Variants in ABCC11 observed in about 807,000 individuals in gnomAD.
The protein encoded by ABCC11 is ATP binding cassette subfamily C member 11, also known as ATP-binding cassette sub-family C member 11.
A neutral mutation model predicts 149.3 loss-of-function variants in ABCC11; 135 were observed. The ratio of observed to expected loss-of-function variants is 0.90; its 90% CI spans 0.79 to 1.04. The LOEUF (loss-of-function observed/expected upper bound fraction) is 1.04, where lower values mean the gene tolerates loss of function less well. Among genes scored for constraint, ABCC11 ranks in the 50% least tolerant of loss-of-function variants. The probability of loss-of-function intolerance (pLI) is 0.00; values close to 1 mark genes in which losing one functional copy is unlikely to be tolerated. For synonymous variants in ABCC11, 665 were observed against 671.4 expected (o/e 0.99, Z 0.15); for missense variants, 1,680 against 1,722.1 (o/e 0.98, Z 0.43).
At chr16:48,235,347 C>CACAAA (rs1970634905) in intron 1 of ABCC11, among the ~76,000 whole-genome samples, 1 of 152,240 alleles carries the variant, frequency 6.6e-6, no homozygotes, top group Admixed American at 6.5e-5. Context: ...GGGACCTTGT[C>CACAAA]TGTCCTGTTC....
At chr16:48,241,483 A>T (rs1970966587) in intron 1 of ABCC11, among the ~76,000 whole-genome samples, 1 of 152,232 alleles carries the variant, frequency 6.6e-6, no homozygotes, top group South Asian at 2.1e-4. Flanking sequence ...GGTAATTTAT[A>T]GATTCAATGC....
At chr16:48,195,017 C>T (rs1352914906) in intron 18 of ABCC11, among the ~76,000 whole-genome samples, 6 of 152,318 alleles carry the variant, frequency 3.9e-5, no homozygotes, top group Middle Eastern at 3.4e-3. Context: ...AGGCAGGGTA[C>T]ACTCCTTGGG....
intron 26 of ABCC11, 103 bp downstream of exon 26, chr16:48,175,155 G>A: frequency 2.8e-6 from 4 of 1,441,142 alleles, no homozygotes; most frequent in Non-Finnish European, 1.9e-6. Context: ...AAGGAGGCCT[G>A]GAAATCGGGG....
chr16:48,203,114 C>T, intron 14 of ABCC11, 114 bp downstream of exon 14: 1 of 1,208,026 alleles, frequency 8.3e-7, no homozygotes, highest in Non-Finnish European at 1.2e-6. Context: ...GCAGGAAAAA[C>T]TCCAACTGCT....
At chr16:48,181,582 T>C (rs946192249) in intron 23 of ABCC11, among the ~76,000 whole-genome samples, 3 of 152,128 alleles carry the variant, frequency 2.0e-5, no homozygotes, top group African/African-American at 7.2e-5. Context: ...CAGAGCCTCT[T>C]TGAACCTGGG....
At position 48,216,168 on chromosome 16, in the gene ABCC11, A is replaced by C. The variant is rs780093729; in HGVS notation, c.897T>G (p.Ile299Met). Residue 299 changes from isoleucine to methionine, a missense_variant, in exon 7 of 30, where the codon ATT becomes ATG. By Grantham distance (10) the Ile-to-Met change is conservative (BLOSUM62 1). Transcript: ENST00000356608. ...AGATGGCAATAAATGCAGTGTATCC[A>C]ATAATGAAGTAGGAAGAAATGCTGC... is the stretch of plus-strand genomic sequence containing the variant. ...VICSISSYFI[I>M]GYTAFIAILC... 5 of 1,614,248 alleles carry C rather than the reference A, an allele frequency of 3.1e-6. No homozygotes were observed. Among genetic ancestry groups the C allele is most frequent in the Non-Finnish European group, 2.5e-6 (3 of 1,180,040 alleles).
At chr16:48,234,494 C>A (rs971190948) in intron 1 of ABCC11, among the ~76,000 whole-genome samples, 5 of 152,132 alleles carry the variant, frequency 3.3e-5, no homozygotes, top group Non-Finnish European at 4.4e-5. Flanking sequence ...ATCCATCTTG[C>A]GAGAGTGCTG....
intron 24 of ABCC11, among the ~76,000 whole-genome samples, chr16:48,177,538 T>C (rs948743933): frequency 6.6e-6 from 1 of 152,216 alleles, no homozygotes; most frequent in Non-Finnish European, 1.5e-5. Flanking sequence ...GGTGAGGAGA[T>C]AGAGGATCCA....
In ABCC11 at chr16:48,242,789, C is replaced by T. The variant is rs561035846; in HGVS notation, c.-19+4525G>A. Among the ~76,000 whole-genome samples the T allele has an allele frequency of 2.7e-3, 408 of 152,106 alleles. 2 individuals are homozygous for T. Among genetic ancestry groups the T allele is most frequent in the Non-Finnish European group, 4.7e-3 (321 of 68,018 alleles). On this transcript the variant is annotated intron_variant, in intron 1 of 29. Transcript: ENST00000356608. ...GAAACCATCATTCTGAGCAAACTATCGCAAAGACCGAAAACAAAACACTGC... is the reference window on the plus strand; with the variant it reads ...GAAACCATCATTCTGAGCAAACTATTGCAAAGACCGAAAACAAAACACTGC...
Position 48,187,250 on chromosome 16 carries a change from T to C in ABCC11, c.2884A>G (p.Ile962Val). 1 of 1,614,030 alleles carries C rather than the reference T, an allele frequency of 6.2e-7. No individual in the cohort carries two copies. Residue 962 changes from isoleucine to valine, a missense_variant, in exon 21 of 30, where the codon ATC becomes GTC. By Grantham distance (29) the Ile-to-Val change is conservative (BLOSUM62 3). Transcript: ENST00000356608. ...ATGATTATGGCTCCCATTAACAGGA[T>C]ATATGGAGACAGCACACTGACAATC... ...LLIVSVLSPY[I>V]LLMGAIIMVI...
Position 48,215,209 on chromosome 16 carries a change from T to G in ABCC11, c.1087A>C (p.Lys363Gln), listed in dbSNP as rs1247800313. The change falls in exon 8 of 30, where the codon AAA (lysine) becomes CAA (glutamine). Residue 363 changes from lysine (K) to glutamine (Q), a missense_variant. By Grantham distance (53) the Lys-to-Gln change is moderately conservative (BLOSUM62 1). Coordinates refer to ENST00000356608, the MANE Select transcript of ABCC11 (RefSeq NM_001370497.1). ...KMYTWEKPFAKIIEDLRRKER... is the reference protein window; with the variant it reads ...KMYTWEKPFAQIIEDLRRKER... Reference sequence around the variant, plus strand: ...AGACTTTCCATACCTTCAATGATTTTTGCAAATGGTTTCTCCCATGTGTAC... The same window carrying G: ...AGACTTTCCATACCTTCAATGATTTGTGCAAATGGTTTCTCCCATGTGTAC... 1.2e-6 allele frequency: 2 copies of G among 1,609,992 alleles called. No individual in the cohort carries two copies. Among genetic ancestry groups the G allele is most frequent in the Non-Finnish European group, 1.7e-6 (2 of 1,176,546 alleles).
intron 6 of ABCC11, among the ~76,000 whole-genome samples, chr16:48,220,143 C>T (rs1269817855): frequency 2.6e-5 from 4 of 152,190 alleles, no homozygotes; most frequent in Admixed American, 1.3e-4. Flanking sequence ...ACAGCAGGTG[C>T]TCAGAATATA....
At chr16:48,228,793 A>G (rs1257498173) in intron 3 of ABCC11, among the ~76,000 whole-genome samples, 1 of 152,184 alleles carries the variant, frequency 6.6e-6, no homozygotes, top group Non-Finnish European at 1.5e-5. Context: ...TACAAACAAT[A>G]AAATTGAATA....
intron 1 of ABCC11, chr16:48,244,429 C>T: frequency 6.3e-7 from 1 of 1,588,610 alleles, no homozygotes. Flanking sequence ...AGTCGCCTCC[C>T]GCTGCTGCTC....
intron 23 of ABCC11, among the ~76,000 whole-genome samples, chr16:48,179,765 A>C (rs1184323481): frequency 1.3e-5 from 2 of 152,258 alleles, no homozygotes; most frequent in Non-Finnish European, 2.9e-5. Flanking sequence ...AAGAAGAGTC[A>C]GTCCTAGAGT....
chr16:48,185,447 T>A (rs1966698157), intron 22 of ABCC11, among the ~76,000 whole-genome samples: 2 of 152,224 alleles, frequency 1.3e-5, no homozygotes, highest in African/African-American at 4.8e-5. Flanking sequence ...GTTTTCCATG[T>A]CAATCACAAC....
At chr16:48,209,749 G>A (rs991994581) in intron 11 of ABCC11, 1 of 152,112 alleles carries the variant, frequency 6.6e-6, no homozygotes, top group South Asian at 2.1e-4. Context: ...GCACTCTATC[G>A]GGTCACGGGT....
chr16:48,168,564 A>G lies in ABCC11; in HGVS notation c.3892-904T>C, dbSNP rs532259745. On this transcript the variant is annotated intron_variant, in intron 28 of 29. Coordinates refer to ENST00000356608, the MANE Select transcript of ABCC11 (RefSeq NM_001370497.1). ...TATGCATGCATAAGTATGTGTGTAC[A>G]TGTGTGTCTTGCCTCGCCTACGTAG... is the stretch of plus-strand genomic sequence containing the variant. Among the ~76,000 whole-genome samples, 464 of 152,334 alleles carry G rather than the reference A, an allele frequency of 3.0e-3. 2 individuals are homozygous for G. Among genetic ancestry groups the G allele is most frequent in the African/African-American group, 0.011 (442 of 41,576 alleles).
Position 48,193,885 on chromosome 16 carries a change from G to A in ABCC11, c.2502C>T (p.Gly834=). Reference sequence around the variant, plus strand: ...TCCACCTCATGGCACTCACCCCCGAGCCCTGCTCCAACCAGTAGCTCAGCC... The same window carrying A: ...TCCACCTCATGGCACTCACCCCCGAACCCTGCTCCAACCAGTAGCTCAGCC... ...FWWLSYWLEQ[G]SGTNSSRESN... Residue 834 remains glycine (G), a synonymous_variant, in exon 19 of 30, where the codon GGC becomes GGT. Coordinates refer to ENST00000356608, the MANE Select transcript of ABCC11 (RefSeq NM_001370497.1). 1 of 1,613,376 alleles carries A rather than the reference G, an allele frequency of 6.2e-7. No homozygotes were observed. Among genetic ancestry groups the A allele is most frequent in the Non-Finnish European group, 8.5e-7 (1 of 1,179,428 alleles).
Sources: allele counts gnomAD v4.1 joint callset (sites outside exome capture counted in the v4.1 genomes callset), GRCh38; gene constraint gnomAD v4.1.1; transcripts MANE v1.5; gene names NCBI Gene and HGNC (gene_info 2026-07-23, HGNC 2026-07-21).